Variants in DCAF8 observed in about 807,000 individuals in gnomAD.
The protein encoded by DCAF8 is DDB1- and CUL4-associated factor 8.
A neutral mutation model predicts 68.0 loss-of-function variants in DCAF8; 20 were observed. The observed-to-expected ratio is 0.29, with a 90% CI of 0.21 to 0.43. DCAF8 has a LOEUF of 0.43. Ranked by LOEUF, DCAF8 falls within the 20% of genes least tolerant of loss-of-function variation. The probability of loss-of-function intolerance (pLI) is 1.00; values close to 1 mark genes in which losing one functional copy is unlikely to be tolerated. For missense variants in DCAF8, 460 were observed against 771.0 expected, an observed-to-expected ratio of 0.60 and a Z score of 4.78; for synonymous variants, 230 against 276.9, an observed-to-expected ratio of 0.83 and a Z score of 1.68.
At chr1:160,262,151 C>T in intron 1 of DCAF8, 1 of 394,574 alleles carries the variant, frequency 2.5e-6, no homozygotes, top group Non-Finnish European at 4.5e-6. Flanking sequence ...CCAGCGATGA[C>T]TTCGGGTCGG....
chr1:160,242,879 T>C (rs1467199467), intron 3 of DCAF8, among the ~76,000 whole-genome samples: 2 of 152,220 alleles, frequency 1.3e-5, no homozygotes, highest in Non-Finnish European at 1.5e-5. Flanking sequence ...TCCAAATCAA[T>C]AGTATACTTT....
intron 2 of DCAF8, among the ~76,000 whole-genome samples, chr1:160,259,796 A>C (rs1248843639): frequency 1.3e-5 from 2 of 152,084 alleles, no homozygotes; most frequent in Non-Finnish European, 2.9e-5. Flanking sequence ...GTGCTAACAG[A>C]GAGTCCAAGA....
chr1:160,218,713 T>C, intron 12 of DCAF8, 136 bp downstream of exon 12: 1 of 1,332,552 alleles, frequency 7.5e-7, no homozygotes, highest in Non-Finnish European at 1.0e-6. Context: ...ACAGAGGAAA[T>C]TACAGGAATG....
At chr1:160,244,517 G>A (rs189284547) in intron 2 of DCAF8, among the ~76,000 whole-genome samples, 1 of 152,246 alleles carries the variant, frequency 6.6e-6, no homozygotes, top group East Asian at 1.9e-4. Flanking sequence ...CAGATTCTGA[G>A]TATCATTTTA....
intron 2 of DCAF8, among the ~76,000 whole-genome samples, chr1:160,253,975 C>A (rs1656718307): frequency 1.3e-5 from 2 of 152,198 alleles, no homozygotes; most frequent in Non-Finnish European, 2.9e-5. Context: ...TGCTGATTTT[C>A]TCTCCAGTAA....
chr1:160,237,702 CT>C (rs200288353), intron 5 of DCAF8, among the ~76,000 whole-genome samples: 3 of 150,934 alleles, frequency 2.0e-5, no homozygotes, highest in African/African-American at 7.3e-5. Context: ...AATTTTTTCG[CT>C]TTTTTTTTGT....
chr1:160,255,424 A>G (rs1239431835), intron 2 of DCAF8, among the ~76,000 whole-genome samples: 1 of 152,038 alleles, frequency 6.6e-6, no homozygotes, highest in South Asian at 2.1e-4. Flanking sequence ...ATGTACCACC[A>G]CACCTGGCCT....
chr1:160,250,506 T>C (rs1407610956), intron 2 of DCAF8, among the ~76,000 whole-genome samples: 4 of 142,680 alleles, frequency 2.8e-5, no homozygotes, highest in Non-Finnish European at 4.6e-5. Context: ...AGAAGAGTGA[T>C]GGGGGAAAAT....
intron 6 of DCAF8, among the ~76,000 whole-genome samples, chr1:160,234,242 CAA>C (rs10660397): frequency 0.015 from 2,065 of 138,724 alleles, 56 homozygotes; most frequent in African/African-American, 0.05. Flanking sequence ...GACTGCACCT[CAA>C]AAAAAAAAAA....
chr1:160,258,430 T>C (rs6686429), intron 2 of DCAF8, among the ~76,000 whole-genome samples: 9,201 of 152,112 alleles, frequency 0.06, 1,005 homozygotes, highest in African/African-American at 0.21. Flanking sequence ...CTAATCATCC[T>C]AGGAAATACT....
At chr1:160,219,167 G>A in intron 11 of DCAF8, 199 bp from the exon 12 acceptor site, 1 of 626,094 alleles carries the variant, frequency 1.6e-6, no homozygotes. Flanking sequence ...ATAAGACCAG[G>A]CACATCAATC....
Position 160,219,090 on chromosome 1 carries a change from G to A in DCAF8, c.1441-122C>T, listed in dbSNP as rs1201596986. Reference sequence around the variant, plus strand: ...GGGCTGAGGCAGCTGCTGGGGAAGGGAGGCCCACCCATCCTGAGCCTAAGC... The same window carrying A: ...GGGCTGAGGCAGCTGCTGGGGAAGGAAGGCCCACCCATCCTGAGCCTAAGC... On this transcript the variant is annotated intron_variant, in intron 11 of 13. Coordinates refer to ENST00000368074, the MANE Select transcript of DCAF8 (RefSeq NM_015726.4). The A allele has an allele frequency of 2.7e-5, 38 of 1,399,690 alleles. No homozygotes were observed. In the East Asian group the frequency reaches 8.9e-4, roughly 33 times the overall value. 86.7% of individuals were successfully genotyped at this position (1,399,690 alleles called of 1,614,324 possible).
chr1:160,240,076 C>G lies in DCAF8; in HGVS notation c.344G>C (p.Arg115Pro), dbSNP rs750184781. The G allele has an allele frequency of 6.2e-7, 1 of 1,614,148 alleles. No individual in the cohort carries two copies. ...EEEEEEEEQP[R>P]RRVQRKRANR... is the part of the protein sequence containing the mutation. ...AGCCCGCTTGCGCTGTACACGGCGC[C>G]GAGGCTGCTCTTCTTCCTCCTCTTC... The change falls in exon 4 of 14, where the codon CGG becomes CCG. Residue 115 changes from arginine to proline, a missense_variant. Transcript: ENST00000368074.
chr1:160,231,693 T>C (rs966822647), intron 6 of DCAF8, among the ~76,000 whole-genome samples: 1 of 152,238 alleles, frequency 6.6e-6, no homozygotes, highest in Non-Finnish European at 1.5e-5. Flanking sequence ...TGTACCATTC[T>C]TTAGGAAGCC....
chr1:160,237,021 C>A (rs1471020237), intron 6 of DCAF8, 114 bp downstream of exon 6: 7 of 674,006 alleles, frequency 1.0e-5, no homozygotes, highest in Non-Finnish European at 1.7e-5. Flanking sequence ...TACCTCTTAA[C>A]CATAGGCACA....
At chr1:160,250,464 CAAAA>C (rs386368471) in intron 2 of DCAF8, among the ~76,000 whole-genome samples, 12 of 66,622 alleles carry the variant, frequency 1.8e-4, no homozygotes, top group Non-Finnish European at 2.7e-4. Flanking sequence ...GAAACTGTCT[CAAAA>C]AAAAAAAAAA....
chr1:160,251,518 G>A (rs898463629), intron 2 of DCAF8, among the ~76,000 whole-genome samples: 4 of 151,984 alleles, frequency 2.6e-5, no homozygotes, highest in African/African-American at 9.7e-5. Context: ...TGTTGTCCAG[G>A]CTGGAATTCA....
At chr1:160,228,055 G>C (rs1655537998) in intron 7 of DCAF8, among the ~76,000 whole-genome samples, 1 of 150,574 alleles carries the variant, frequency 6.6e-6, no homozygotes, top group South Asian at 2.1e-4. Flanking sequence ...CACACCTGGA[G>C]ATATTTAATT....
At chr1:160,246,833 G>A (rs1302856346) in intron 2 of DCAF8, among the ~76,000 whole-genome samples, 2 of 152,196 alleles carry the variant, frequency 1.3e-5, no homozygotes. Context: ...GCATATGCCT[G>A]TAGTCCCAGC....
Sources: allele counts gnomAD v4.1 joint callset (sites outside exome capture counted in the v4.1 genomes callset), GRCh38; gene constraint gnomAD v4.1.1; transcripts MANE v1.5; gene names NCBI Gene and HGNC (gene_info 2026-07-23, HGNC 2026-07-21).